Variants in CTNNA2 observed in about 807,000 individuals in gnomAD.
CTNNA2 encodes the protein catenin alpha 2.
Under a neutral mutation model 101.0 loss-of-function variants are expected in CTNNA2, and 42 were observed. The observed-to-expected ratio is 0.42, with a 90% CI of 0.32 to 0.54. CTNNA2 has a LOEUF of 0.54. CTNNA2 is among the 20% of genes least tolerant of loss of function. The pLI is 0.14. For synonymous variants in CTNNA2, 450 were observed against 456.4 expected (o/e 0.99, Z 0.18); for missense variants, 871 against 1,223.1 (o/e 0.71, Z 4.29).
chr2:79,526,335 T>C (rs2103903024), intron 1 of CTNNA2, among the ~76,000 whole-genome samples: 1 of 152,112 alleles, frequency 6.6e-6, no homozygotes, highest in Non-Finnish European at 1.5e-5. Context: ...ATGAAAAGAA[T>C]TTGAAGAAGA....
At chr2:79,725,474 A>G (rs904838730) in intron 2 of CTNNA2, among the ~76,000 whole-genome samples, 1 of 152,218 alleles carries the variant, frequency 6.6e-6, no homozygotes, top group African/African-American at 2.4e-5. Context: ...TTCTTTGCTT[A>G]CTGGAGAAGG....
At chr2:80,262,419 A>G (rs1021035951) in intron 7 of CTNNA2, among the ~76,000 whole-genome samples, 6 of 152,178 alleles carry the variant, frequency 3.9e-5, no homozygotes, top group African/African-American at 1.4e-4. Flanking sequence ...TGTATAAACA[A>G]ATTGGTGTAT....
chr2:79,916,883 A>T (rs904858411), intron 7 of CTNNA2, among the ~76,000 whole-genome samples: 6 of 151,962 alleles, frequency 3.9e-5, no homozygotes, highest in Non-Finnish European at 5.9e-5. Flanking sequence ...TTGGCCTCTC[A>T]AAGTGCTAGG....
At chr2:79,444,803 C>T (rs1678814051) in intron 4 of CTNNA2, among the ~76,000 whole-genome samples, 1 of 152,246 alleles carries the variant, frequency 6.6e-6, no homozygotes, top group South Asian at 2.1e-4. Context: ...TAGGTCACCA[C>T]TTGCATATTC....
upstream of CTNNA2, among the ~76,000 whole-genome samples, chr2:79,511,997 T>TA (rs1262039038): frequency 6.6e-6 from 1 of 152,174 alleles, no homozygotes; most frequent in African/African-American, 2.4e-5. Flanking sequence ...TCTCTTGATT[T>TA]AAAACAAAAC....
intron 7 of CTNNA2, among the ~76,000 whole-genome samples, chr2:80,121,384 A>T (rs561041945): frequency 6.6e-6 from 1 of 152,314 alleles, no homozygotes; most frequent in South Asian, 2.1e-4. Context: ...CTGGTTTTTG[A>T]AGAGTAAAAC....
At chr2:79,659,544 T>G (rs542163593) in intron 2 of CTNNA2, among the ~76,000 whole-genome samples, 7 of 152,204 alleles carry the variant, frequency 4.6e-5, no homozygotes, top group African/African-American at 9.6e-5. Context: ...TTAAGACTGT[T>G]TGATGTTTGA....
intron 4 of CTNNA2, among the ~76,000 whole-genome samples, chr2:79,866,850 C>A (rs1217203175): frequency 2.0e-5 from 3 of 152,162 alleles, no homozygotes; most frequent in African/African-American, 7.2e-5. Context: ...CCCACAAAAT[C>A]TGTGCATAGT....
chr2:79,491,402 C>T (rs1208881861), intron 4 of CTNNA2, among the ~76,000 whole-genome samples: 1 of 152,084 alleles, frequency 6.6e-6, no homozygotes, highest in African/African-American at 2.4e-5. Flanking sequence ...TTGTTGAGAA[C>T]ACAGCTTCAA....
At chr2:80,295,030 TTTTC>T (rs1238739228) in intron 7 of CTNNA2, among the ~76,000 whole-genome samples, 1 of 152,104 alleles carries the variant, frequency 6.6e-6, no homozygotes, top group Non-Finnish European at 1.5e-5. Context: ...TCTTTTTCTT[TTTTC>T]TTTCTGTTTT....
chr2:79,813,154 T>C (rs1340642005), intron 3 of CTNNA2, among the ~76,000 whole-genome samples: 1 of 152,174 alleles, frequency 6.6e-6, no homozygotes, highest in African/African-American at 2.4e-5. Context: ...TCACCCAAAA[T>C]TTCAAAGCCT....
chr2:79,858,544 T>G (rs1428592470), intron 4 of CTNNA2, among the ~76,000 whole-genome samples: 1 of 152,166 alleles, frequency 6.6e-6, no homozygotes, highest in Non-Finnish European at 1.5e-5. Flanking sequence ...ATAGTTCAGG[T>G]TGGGGTCAGC....
At chr2:80,163,565 G>T (rs547153158) in intron 7 of CTNNA2, among the ~76,000 whole-genome samples, 2 of 152,118 alleles carry the variant, frequency 1.3e-5, no homozygotes, top group African/African-American at 4.8e-5. Flanking sequence ...CACTTGAAGA[G>T]AATCTGTATT....
intron 1 of CTNNA2, among the ~76,000 whole-genome samples, chr2:79,590,119 C>T (rs1206034805): frequency 6.6e-6 from 1 of 152,146 alleles, no homozygotes; most frequent in Non-Finnish European, 1.5e-5. Flanking sequence ...AAAAACATTT[C>T]TTTAAATCCC....
intron 7 of CTNNA2, among the ~76,000 whole-genome samples, chr2:80,031,486 A>T (rs1695283987): frequency 6.6e-6 from 1 of 152,208 alleles, no homozygotes; most frequent in South Asian, 2.1e-4. Context: ...TCACCCTTGT[A>T]AAAGAATCAA....
At chr2:80,636,979 ACTTCT>A (rs1672955570) in intron 18 of CTNNA2, among the ~76,000 whole-genome samples, 1 of 152,104 alleles carries the variant, frequency 6.6e-6, no homozygotes, top group Non-Finnish European at 1.5e-5. Flanking sequence ...CCCCTCATGA[ACTTCT>A]CCATTCCTTA....
chr2:80,015,667 A>G (rs916058382), intron 7 of CTNNA2, among the ~76,000 whole-genome samples: 5 of 152,174 alleles, frequency 3.3e-5, no homozygotes, highest in Admixed American at 6.5e-5. Flanking sequence ...CAATATTCTT[A>G]TCTATAAATC....
intron 7 of CTNNA2, among the ~76,000 whole-genome samples, chr2:80,038,953 G>A (rs1016203545): frequency 9.2e-5 from 14 of 152,202 alleles, no homozygotes; most frequent in Admixed American, 9.2e-4. Context: ...TGGCCTCAGG[G>A]CTGGGAGGAA....
chr2:80,610,084 G>A (rs1320474044), intron 17 of CTNNA2, among the ~76,000 whole-genome samples: 1 of 151,622 alleles, frequency 6.6e-6, no homozygotes, highest in Non-Finnish European at 1.5e-5. Context: ...GAAGAATGTT[G>A]TTCAACTTGA....
Sources: gnomAD v4.1 joint callset for allele counts (sites outside exome capture counted in the v4.1 genomes callset) on GRCh38, gnomAD v4.1.1 for gene constraint, MANE v1.5 for transcripts, NCBI Gene and HGNC (gene_info 2026-07-23, HGNC 2026-07-21) for gene names.